EYA4: variants seen among roughly 807,000 people sequenced by gnomAD.
The protein encoded by EYA4 is protein phosphatase EYA4.
A neutral mutation model predicts 87.9 loss-of-function variants in EYA4; 31 were observed. The observed-to-expected ratio is 0.35, with a 90% CI of 0.27 to 0.48. EYA4 has a LOEUF of 0.48. Ranked by LOEUF, EYA4 falls within the 20% of genes least tolerant of loss-of-function variation. The probability of loss-of-function intolerance (pLI) is 0.99; values close to 1 mark genes in which losing one functional copy is unlikely to be tolerated. For synonymous variants in EYA4, 263 were observed against 270.6 expected (o/e 0.97, Z 0.28); for missense variants, 678 against 761.4 (o/e 0.89, Z 1.29).
intron 2 of EYA4, among the ~76,000 whole-genome samples, chr6:133,343,761 A>T (rs1782993356): frequency 6.6e-6 from 1 of 152,080 alleles, no homozygotes; most frequent in Non-Finnish European, 1.5e-5. Context: ...TAGAAAAGGA[A>T]GAGTGAGATA....
intron 1 of EYA4, among the ~76,000 whole-genome samples, chr6:133,267,486 G>A (rs1292179583): frequency 2.6e-5 from 4 of 151,866 alleles, no homozygotes; most frequent in African/African-American, 9.7e-5. Flanking sequence ...GGGTTCAAGC[G>A]ATTCTCCTGC....
At chr6:133,334,967 G>A (rs186770090) in intron 2 of EYA4, among the ~76,000 whole-genome samples, 105 of 152,284 alleles carry the variant, frequency 6.9e-4, no homozygotes, top group African/African-American at 2.2e-3. Flanking sequence ...GCTAGTTTTA[G>A]GAATGAGAAG....
chr6:133,345,007 C>CTTAT (rs1399528369), intron 2 of EYA4, among the ~76,000 whole-genome samples: 1 of 152,016 alleles, frequency 6.6e-6, no homozygotes, highest in African/African-American at 2.4e-5. Flanking sequence ...AAGGAACAGT[C>CTTAT]TTATTATTTC....
rs753421271 is a variant in EYA4 at position 133,512,908 on chromosome 6, T to G, written c.1371T>G (p.His457Gln). 1.2e-6 allele frequency: 2 copies of G among 1,614,144 alleles called. No individual in the cohort carries two copies. The highest frequency in any genetic ancestry group is 1.7e-6 in the Non-Finnish European group (2 of 1,179,992). Residue 457 changes from histidine to glutamine, a missense_variant, in exon 16 of 20, where the codon CAT becomes CAG. His to Gln is a conservative substitution (Grantham distance 24). Transcript: ENST00000355286. ...STYSFATDGFHAAASSANLCL... is the reference protein window; with the variant it reads ...STYSFATDGFQAAASSANLCL... ...ACAGTTTTGCAACTGATGGCTTCCA[T>G]GCAGCTGCAAGTAGTGCAAACCTTT...
intron 13 of EYA4, chr6:133,502,449 A>G (rs1364089800): frequency 6.6e-6 from 1 of 152,200 alleles, no homozygotes; most frequent in Non-Finnish European, 1.5e-5. Context: ...CTTGGGTTCA[A>G]TCCAGAAGTA....
At chr6:133,274,133 A>G (rs1019664004) in intron 1 of EYA4, among the ~76,000 whole-genome samples, 6 of 152,226 alleles carry the variant, frequency 3.9e-5, no homozygotes, top group Non-Finnish European at 8.8e-5. Flanking sequence ...TTAACCAGTT[A>G]TCTCACCATA....
intron 16 of EYA4, among the ~76,000 whole-genome samples, chr6:133,514,524 A>G (rs1799428094): frequency 6.6e-6 from 1 of 152,206 alleles, no homozygotes; most frequent in South Asian, 2.1e-4. Context: ...GACAAATGAG[A>G]CTTGCTAGAA....
At chr6:133,445,577 C>CTTTTTTTT (rs1000098998) in intron 3 of EYA4, among the ~76,000 whole-genome samples, 1 of 141,654 alleles carries the variant, frequency 7.1e-6, no homozygotes. Flanking sequence ...TTTCCTTTTT[C>CTTTTTTTT]TTTTTTTTTT....
At chr6:133,334,012 C>G (rs1390426333) in intron 2 of EYA4, among the ~76,000 whole-genome samples, 1 of 152,076 alleles carries the variant, frequency 6.6e-6, no homozygotes, top group Non-Finnish European at 1.5e-5. Flanking sequence ...TTCCACTGCT[C>G]TCAGCTATGT....
rs551042395 is a variant in EYA4 at position 133,267,007 on chromosome 6, C to T, written c.-65-7709C>T. ...AGGTAAATAAGACAAACATTCCCTT[C>T]CCCTAAAGAGATTATTTTGGCATGA... On this transcript the variant is annotated intron_variant, in intron 1 of 19. Coordinates refer to ENST00000355286, the MANE Select transcript of EYA4 (RefSeq NM_004100.5). Among the ~76,000 whole-genome samples the T allele has an allele frequency of 3.9e-5, 6 of 152,218 alleles. No homozygotes were observed. The South Asian group carries it at 1.2e-3, about 32-fold the overall frequency.
intron 2 of EYA4, among the ~76,000 whole-genome samples, chr6:133,276,914 A>G (rs73776012): frequency 1.6e-5 from 2 of 128,334 alleles, no homozygotes; most frequent in African/African-American, 2.9e-5. Flanking sequence ...AAAAAAAAAA[A>G]AAAAGAAAAG....
chr6:133,357,223 A>G (rs1784126317), intron 2 of EYA4, among the ~76,000 whole-genome samples: 1 of 137,050 alleles, frequency 7.3e-6, no homozygotes, highest in African/African-American at 2.9e-5. Flanking sequence ...GTGAGCCGAG[A>G]TCCCGCCACT....
In EYA4 at chr6:133,446,611, C is replaced by T; in HGVS notation, c.84-19C>T. On this transcript the variant is annotated intron_variant, in intron 3 of 19. Transcript: ENST00000355286. ...CTGCTGCAATTTCAACTTTTCTCTG[C>T]TGCTTACTGCTCTACCAGGTCTATG... The T allele has an allele frequency of 6.2e-7, 1 of 1,613,724 alleles. No homozygotes were observed. Among genetic ancestry groups the T allele is most frequent in the Non-Finnish European group, 8.5e-7 (1 of 1,179,762 alleles).
chr6:133,465,068 G>A (rs1794732875), intron 10 of EYA4, among the ~76,000 whole-genome samples: 2 of 152,160 alleles, frequency 1.3e-5, no homozygotes, highest in East Asian at 1.9e-4. Flanking sequence ...ATTGCTAAAG[G>A]TTTGTGCTTT....
chr6:133,475,395 C>T (rs1360113996), intron 11 of EYA4, among the ~76,000 whole-genome samples: 1 of 151,938 alleles, frequency 6.6e-6, no homozygotes, highest in Non-Finnish European at 1.5e-5. Context: ...TCTTGTATAA[C>T]AATATTATGT....
intron 3 of EYA4, among the ~76,000 whole-genome samples, chr6:133,432,930 C>T (rs140265107): frequency 6.0e-5 from 9 of 150,774 alleles, no homozygotes; most frequent in African/African-American, 2.0e-4. Context: ...CCTGTAAACC[C>T]GAGAAGATAT....
At position 133,409,044 on chromosome 6, in the gene EYA4, A is replaced by G. The variant is rs563195436; in HGVS notation, c.83+26603A>G. ...AATGAAGTTAGTGACTCAGTGGTCC[A>G]TAGGTCATTAGTCTGTAGCTGCTCT... On this transcript the variant is annotated intron_variant, in intron 3 of 19. Coordinates refer to ENST00000355286, the MANE Select transcript of EYA4 (RefSeq NM_004100.5). 7.2e-5 allele frequency among the ~76,000 whole-genome samples: 11 copies of G among 152,328 alleles called. No individual in the cohort carries two copies. In the South Asian group the frequency reaches 1.9e-3, roughly 26 times the overall value.
chr6:133,400,731 C>A (rs1788192580), intron 3 of EYA4, among the ~76,000 whole-genome samples: 1 of 151,698 alleles, frequency 6.6e-6, no homozygotes, highest in Admixed American at 6.6e-5. Flanking sequence ...TTTTTAAATA[C>A]CTTGGAGATA....
chr6:133,318,753 C>T (rs537217478), intron 2 of EYA4, among the ~76,000 whole-genome samples: 4 of 151,996 alleles, frequency 2.6e-5, no homozygotes, highest in Non-Finnish European at 4.4e-5. Flanking sequence ...ACATATCACT[C>T]GTATTTATTT....
Sources: allele counts gnomAD v4.1 joint callset (sites outside exome capture counted in the v4.1 genomes callset), GRCh38; gene constraint gnomAD v4.1.1; transcripts MANE v1.5; gene names NCBI Gene and HGNC (gene_info 2026-07-23, HGNC 2026-07-21).